The following MAGI3 variants were observed in gnomAD, a reference collection of about 807,000 sequenced individuals.
MAGI3 encodes membrane-associated guanylate kinase, WW and PDZ domain-containing protein 3.
MAGI3 carries 43 observed loss-of-function variants against 121.8 expected under a neutral mutation model. The ratio of observed to expected loss-of-function variants is 0.35; its 90% CI spans 0.28 to 0.46. MAGI3 has a LOEUF of 0.46. Ranked by LOEUF, MAGI3 falls within the 20% of genes least tolerant of loss-of-function variation. MAGI3 has a pLI of 1.00. For missense variants in MAGI3, 1,547 were observed against 1,797.3 expected (o/e 0.86, Z 2.52); for synonymous variants, 553 against 639.3 (o/e 0.86, Z 2.04).
At chr1:113,681,376 T>C in intron 20 of MAGI3, 40 bp downstream of exon 20, 1 of 1,596,786 alleles carries the variant, frequency 6.3e-7, no homozygotes, top group Non-Finnish European at 8.5e-7. Flanking sequence ...AAGTTGTATA[T>C]TAGGGAGGGG....
chr1:113,573,319 G>A (rs1426759424), intron 2 of MAGI3, among the ~76,000 whole-genome samples: 1 of 152,172 alleles, frequency 6.6e-6, no homozygotes. Flanking sequence ...CCAGTTTTCC[G>A]ATGTGGGCAT....
At chr1:113,425,288 T>TC (rs1391018471) in intron 1 of MAGI3, among the ~76,000 whole-genome samples, 3 of 130,248 alleles carry the variant, frequency 2.3e-5, no homozygotes, top group Admixed American at 1.5e-4. Flanking sequence ...TTTTTTTTTT[T>TC]TTTTTTTTTT....
intron 16 of MAGI3, among the ~76,000 whole-genome samples, chr1:113,660,231 G>C (rs967446867): frequency 1.3e-5 from 2 of 152,132 alleles, no homozygotes; most frequent in Non-Finnish European, 2.9e-5. Context: ...ATTCTGGGCA[G>C]GATTCCAAGA....
intron 2 of MAGI3, among the ~76,000 whole-genome samples, chr1:113,557,751 T>C (rs953391766): frequency 2.0e-5 from 3 of 152,218 alleles, no homozygotes; most frequent in Non-Finnish European, 2.9e-5. Flanking sequence ...CCATTCGTCC[T>C]GACTGGGTGA....
chr1:113,487,749 TG>T (rs1380543800), intron 1 of MAGI3, among the ~76,000 whole-genome samples: 1 of 150,494 alleles, frequency 6.6e-6, no homozygotes, highest in Non-Finnish European at 1.5e-5. Flanking sequence ...TATTGACATC[TG>T]TTTTTTTTTT....
chr1:113,638,069 T>C (rs1201729683), intron 9 of MAGI3, among the ~76,000 whole-genome samples: 6 of 152,254 alleles, frequency 3.9e-5, no homozygotes, highest in African/African-American at 1.4e-4. Context: ...GAGCCTTGGC[T>C]TTCAGCTCCA....
intron 6 of MAGI3, among the ~76,000 whole-genome samples, chr1:113,597,134 G>A (rs1649067187): frequency 1.3e-5 from 2 of 152,114 alleles, no homozygotes; most frequent in African/African-American, 4.8e-5. Flanking sequence ...GAATACTATT[G>A]AGCAATAAAA....
chr1:113,424,783 C>T (rs10458459), intron 1 of MAGI3, among the ~76,000 whole-genome samples: 23,203 of 152,064 alleles, frequency 0.15, 2,808 homozygotes, highest in East Asian at 0.63. Context: ...GTAATATTGG[C>T]TCATGAGTTG....
intron 5 of MAGI3, among the ~76,000 whole-genome samples, chr1:113,593,226 T>C (rs901276087): frequency 1.3e-5 from 2 of 152,242 alleles, no homozygotes; most frequent in Admixed American, 1.3e-4. Context: ...TCAGGAAATA[T>C]AACTTGTTTA....
intron 1 of MAGI3, among the ~76,000 whole-genome samples, chr1:113,487,476 T>G (rs1022551203): frequency 3.3e-5 from 5 of 152,182 alleles, no homozygotes; most frequent in African/African-American, 1.2e-4. Flanking sequence ...GTGATAACCT[T>G]GAGCAGTAGG....
At chr1:113,571,654 A>G (rs1238432149) in intron 2 of MAGI3, among the ~76,000 whole-genome samples, 2 of 152,194 alleles carry the variant, frequency 1.3e-5, no homozygotes, top group Non-Finnish European at 1.5e-5. Flanking sequence ...CTTTGTAGCA[A>G]TTGTGCATGG....
At chr1:113,674,302 G>C (rs1234530778) in intron 19 of MAGI3, among the ~76,000 whole-genome samples, 1 of 150,860 alleles carries the variant, frequency 6.6e-6, no homozygotes, top group Non-Finnish European at 1.5e-5. Context: ...TGAGGCAGGA[G>C]AATCACTTGA....
At chr1:113,478,286 C>T (rs1045964721) in intron 1 of MAGI3, among the ~76,000 whole-genome samples, 2 of 152,158 alleles carry the variant, frequency 1.3e-5, no homozygotes, top group Non-Finnish European at 2.9e-5. Flanking sequence ...TGAGGAGCTG[C>T]AAACCTTTGG....
chr1:113,600,969 A>C (rs1227159180), intron 6 of MAGI3, among the ~76,000 whole-genome samples: 1 of 152,214 alleles, frequency 6.6e-6, no homozygotes, highest in African/African-American at 2.4e-5. Flanking sequence ...AGCAATGGGG[A>C]AAGGATTCCC....
intron 2 of MAGI3, among the ~76,000 whole-genome samples, chr1:113,569,943 A>G (rs1403640499): frequency 6.6e-6 from 1 of 152,164 alleles, no homozygotes; most frequent in Non-Finnish European, 1.5e-5. Context: ...TTGCATAGGT[A>G]TGCATGTGCC....
intron 1 of MAGI3, among the ~76,000 whole-genome samples, chr1:113,453,391 T>G (rs1410601723): frequency 1.3e-5 from 2 of 152,188 alleles, no homozygotes; most frequent in Non-Finnish European, 2.9e-5. Flanking sequence ...TTATAACAAT[T>G]TTTCTTTTCT....
intron 1 of MAGI3, among the ~76,000 whole-genome samples, chr1:113,477,793 G>A (rs1361330559): frequency 1.3e-5 from 2 of 152,162 alleles, no homozygotes; most frequent in African/African-American, 4.8e-5. Context: ...TGTTGGGGAA[G>A]TTCTCCTGGA....
At chr1:113,620,061 G>A (rs1230770296) in intron 8 of MAGI3, among the ~76,000 whole-genome samples, 5 of 152,144 alleles carry the variant, frequency 3.3e-5, no homozygotes, top group Admixed American at 1.3e-4. Flanking sequence ...AAGGGATTTC[G>A]GCAGCTTTTT....
intron 7 of MAGI3, among the ~76,000 whole-genome samples, chr1:113,614,956 A>C (rs1455694153): frequency 6.6e-6 from 1 of 152,164 alleles, no homozygotes; most frequent in Non-Finnish European, 1.5e-5. Flanking sequence ...TAGAAAACTG[A>C]AATGAGGGCA....
Sources: gnomAD v4.1 joint callset for allele counts (sites outside exome capture counted in the v4.1 genomes callset) on GRCh38, gnomAD v4.1.1 for gene constraint, MANE v1.5 for transcripts, NCBI Gene and HGNC (gene_info 2026-07-23, HGNC 2026-07-21) for gene names.